Variants in KRT84 observed in about 807,000 individuals in gnomAD.
KRT84 encodes keratin, type II cuticular Hb4.
Under a neutral mutation model 49.0 loss-of-function variants are expected in KRT84, and 38 were observed. The observed-to-expected ratio is 0.78, with a 90% CI of 0.60 to 1.02. The LOEUF (loss-of-function observed/expected upper bound fraction) is 1.02. KRT84 is among the 50% of genes least tolerant of loss of function. The pLI, the probability that KRT84 is intolerant of heterozygous loss-of-function variation, is 0.00. For synonymous variants in KRT84, 334 were observed against 312.8 expected, an observed-to-expected ratio of 1.07 and a Z score of -0.72; for missense variants, 860 against 788.6, an observed-to-expected ratio of 1.09 and a Z score of -1.08.
chr12:52,378,668 C>T lies in KRT84; in HGVS notation c.1457-288G>A, dbSNP rs1939429746. Among the ~76,000 whole-genome samples, 3 of 152,210 alleles carry T rather than the reference C, an allele frequency of 2.0e-5. No individual in the cohort carries two copies. In the South Asian group the frequency reaches 6.2e-4, roughly 32 times the overall value. On this transcript the variant is annotated intron_variant, in intron 8 of 8. Transcript: ENST00000257951. ...TAGGTTGACTGTCATTTATATACGGCTAAAGTCAAGTTGGGTTGTGAGATG... is the reference window on the plus strand; with the variant it reads ...TAGGTTGACTGTCATTTATATACGGTTAAAGTCAAGTTGGGTTGTGAGATG...
Position 52,377,971 on chromosome 12 carries a change from G to A in KRT84, c.*63C>T. 1 of 1,289,412 alleles carries A rather than the reference G, an allele frequency of 7.8e-7. No individual in the cohort carries two copies. 79.9% of individuals were successfully genotyped at this position (1,289,412 alleles called of 1,614,324 possible). On this transcript the variant is annotated 3_prime_UTR_variant, in exon 9 of 9. Coordinates refer to ENST00000257951, the MANE Select transcript of KRT84 (RefSeq NM_033045.4). Reference sequence around the variant, plus strand: ...CAAGCCCAGAGCCCACGAACCCTGGGGGCAGAAGCAGGAGCCGTGGAGCTG... The same window carrying A: ...CAAGCCCAGAGCCCACGAACCCTGGAGGCAGAAGCAGGAGCCGTGGAGCTG...
rs374447110 is a variant in KRT84 at position 52,381,525 on chromosome 12, C to T, written c.913G>A (p.Glu305Lys). 8.1e-6 allele frequency: 13 copies of T among 1,613,634 alleles called. No homozygotes were observed. The African/African-American group carries it at 1.6e-4, about 20-fold the overall frequency. ...IDFLKTLYME[E>K]IQLLQSHISE... is the part of the protein sequence containing the mutation. ...ATGTGCGACTGCAGCAACTGGATTT[C>T]CTGTGTTGGAGGATTGGGGAGACAG... The change falls in exon 5 of 9, where the codon GAA becomes AAA. Residue 305 changes from glutamate to lysine, a missense_variant and splice_region_variant. Glu to Lys is a moderately conservative substitution (Grantham distance 56). Coordinates refer to ENST00000257951, the MANE Select transcript of KRT84 (RefSeq NM_033045.4).
intron 1 of KRT84, among the ~76,000 whole-genome samples, chr12:52,384,767 A>G (rs1170006372): frequency 6.6e-6 from 1 of 152,182 alleles, no homozygotes; most frequent in African/African-American, 2.4e-5. Context: ...GTTTGTCGAG[A>G]TGCCCTCGAG....
In KRT84 at chr12:52,382,464, A is replaced by G. The variant is rs749844233; in HGVS notation, c.885T>C (p.Ile295=). 7 of 1,613,944 alleles carry G rather than the reference A, an allele frequency of 4.3e-6. No individual in the cohort carries two copies. The African/African-American group carries it at 8.0e-5, about 18-fold the overall frequency. ...EANVDTLTQE[I]DFLKTLYMEE... is the part of the protein sequence containing the mutation. The stretch of plus-strand genomic sequence containing the variant: ...CCATGTAAAGCGTTTTTAGAAAGTC[A>G]ATTTCCTGAGTTAGGGTATCCACGT... The change falls in exon 4 of 9, where the codon ATT becomes ATC. Residue 295 remains isoleucine, a synonymous_variant. Coordinates refer to ENST00000257951, the MANE Select transcript of KRT84 (RefSeq NM_033045.4).
intron 4 of KRT84, among the ~76,000 whole-genome samples, chr12:52,382,059 A>G (rs1295717948): frequency 1.3e-5 from 2 of 152,214 alleles, no homozygotes; most frequent in African/African-American, 4.8e-5. Flanking sequence ...GACTGGACAG[A>G]TTGTTTATGA....
At chr12:52,383,482 A>ACCCC in intron 2 of KRT84, 108 bp downstream of exon 2, 1 of 841,702 alleles carries the variant, frequency 1.2e-6, no homozygotes, top group Non-Finnish European at 1.8e-6. Context: ...TGATGTGGTA[A>ACCCC]CCAGCATTCA....
chr12:52,377,829 C>A lies in KRT84; in HGVS notation c.*205G>T. 1 of 405,022 alleles carries A rather than the reference C, an allele frequency of 2.5e-6. No individual in the cohort carries two copies. The highest frequency in any genetic ancestry group is 4.3e-6 in the Non-Finnish European group (1 of 230,756). The allele number at this position is 405,022 out of a possible 1,614,324, so 25.1% of individuals were successfully genotyped here. ...CAGGGAGAAGCCAGCTTAGCTGGAA[C>A]TGCTAATGGAGCATCTACATGGCAG... On this transcript the variant is annotated 3_prime_UTR_variant, in exon 9 of 9. Transcript: ENST00000257951.
chr12:52,378,144 TG>T lies in KRT84; in HGVS notation c.1692del (p.Ser565AlafsTer80). ...TGGGTGGGCAGGGGGCAGGGGACGC[TG>T]GGGACACAGGCCTCGCTGATGAGCA... Reference protein sequence around the residue: ...GSMLISEACVPSVPCPLPTQG... With the variant: ...GSMLISEACVXSVPCPLPTQG... On this transcript the variant is annotated frameshift_variant, in exon 9 of 9. Transcript: ENST00000257951. LOFTEE classifies it high-confidence loss of function. The T allele has an allele frequency of 1.3e-6, 2 of 1,569,694 alleles. No homozygotes were observed. Among genetic ancestry groups the T allele is most frequent in the Admixed American group, 1.9e-5 (1 of 53,610 alleles).
At chr12:52,379,292 A>G (rs1302323804) in intron 8 of KRT84, among the ~76,000 whole-genome samples, 1 of 152,228 alleles carries the variant, frequency 6.6e-6, no homozygotes, top group Non-Finnish European at 1.5e-5. Flanking sequence ...GGATGCCAGT[A>G]TCCGCTTTTC....
At chr12:52,386,099 A>C (rs1287455998), upstream of KRT84, among the ~76,000 whole-genome samples, 1 of 152,220 alleles carries the variant, frequency 6.6e-6, no homozygotes, top group Non-Finnish European at 1.5e-5. Flanking sequence ...TCCAAGTAAG[A>C]AGTGATATGG....
chr12:52,381,979 G>T (rs59955690), intron 4 of KRT84, among the ~76,000 whole-genome samples: 10,572 of 152,258 alleles, frequency 0.069, 447 homozygotes, highest in Middle Eastern at 0.18. Flanking sequence ...TGCAAAGAGA[G>T]TTCCAGAGGA....
intron 1 of KRT84, 107 bp from the exon 2 acceptor site, chr12:52,383,905 T>C: frequency 1.2e-6 from 1 of 858,812 alleles, no homozygotes. Context: ...GTCGACAGGG[T>C]TCTCTCCTCT....
Position 52,385,116 on chromosome 12 carries a change from T to A in KRT84, c.470A>T (p.Asn157Ile). 2.5e-6 allele frequency: 4 copies of A among 1,600,480 alleles called. No individual in the cohort carries two copies. The highest frequency in any genetic ancestry group is 3.3e-4 in the Middle Eastern group (2 of 5,980). The change falls in exon 1 of 9, where the codon AAT (asparagine) becomes ATT (isoleucine). Residue 157 changes from asparagine to isoleucine, a missense_variant. Coordinates refer to ENST00000257951, the MANE Select transcript of KRT84 (RefSeq NM_033045.4). ...LTPLNLEIDPNAQRVKKDEKE... is the reference protein window; with the variant it reads ...LTPLNLEIDPIAQRVKKDEKE... The stretch of plus-strand genomic sequence containing the variant: ...CTCATCCTTCTTCACCCTCTGGGCA[T>A]TGGGGTCAATCTCCAGGTTGAGGGG...
chr12:52,378,279 C>G lies in KRT84; in HGVS notation c.1558G>C (p.Val520Leu), dbSNP rs201058386. The change falls in exon 9 of 9, where the codon GTC becomes CTC. Residue 520 changes from valine (V) to leucine (L), a missense_variant. By Grantham distance (32) the Val-to-Leu change is conservative (BLOSUM62 1). Coordinates refer to ENST00000257951, the MANE Select transcript of KRT84 (RefSeq NM_033045.4). ...GCCAGGACCCCACTGGTGGCACAGA[C>G]GCTGCTGCTACCTGAGAAGGTGACC... The part of the protein sequence containing the change: ...GGVTFSGSSS[V>L]CATSGVLASC... The G allele has an allele frequency of 6.5e-7, 1 of 1,548,818 alleles. No individual in the cohort carries two copies. Among genetic ancestry groups the G allele is most frequent in the South Asian group, 1.2e-5 (1 of 83,954 alleles).
rs770154336 is a variant in KRT84 at position 52,378,092 on chromosome 12, C to T, written c.1745G>A (p.Gly582Asp). The change falls in exon 9 of 9, where the codon GGC becomes GAC. Residue 582 changes from glycine to aspartate, a missense_variant. Transcript: ENST00000257951. ...CACAAAGCGGACGCTGGAGCTGCGG[C>T]CGCCGCTGCAGCTGCTGAAGCCCCC... The part of the protein sequence containing the change: ...TQGGFSSCSG[G>D]RSSSVRFVST... 2 of 1,502,678 alleles carry T rather than the reference C, an allele frequency of 1.3e-6. No homozygotes were observed. The highest frequency in any genetic ancestry group is 8.8e-7 in the Non-Finnish European group (1 of 1,131,932). 93.1% of individuals were successfully genotyped at this position (1,502,678 alleles called of 1,614,324 possible).
chr12:52,382,381 G>C, intron 4 of KRT84, 56 bp downstream of exon 4: 1 of 1,158,572 alleles, frequency 8.6e-7, no homozygotes, highest in Non-Finnish European at 1.3e-6. Context: ...AAGCATTCAG[G>C]GAGTCCAGGC....
chr12:52,379,742 G>T (rs1370529959), intron 8 of KRT84, 134 bp downstream of exon 8: 5 of 732,498 alleles, frequency 6.8e-6, no homozygotes, highest in Non-Finnish European at 1.2e-5. Context: ...TCCAGGGCTG[G>T]ATGGTCCCAG....
chr12:52,383,672 A>G lies in KRT84; in HGVS notation c.673T>C (p.Leu225=), dbSNP rs1371330374. The G allele has an allele frequency of 5.6e-6, 9 of 1,614,004 alleles. No homozygotes were observed. Among genetic ancestry groups the G allele is most frequent in the South Asian group, 1.1e-5 (1 of 91,080 alleles). ...ESYITNLRRQ[L]EVLVSDQARL... Reference sequence around the variant, plus strand: ...GCCTGATCACTGACCAGCACCTCCAACTGCCTCCGCAGGTTGGTGATGTAG... The same window carrying G: ...GCCTGATCACTGACCAGCACCTCCAGCTGCCTCCGCAGGTTGGTGATGTAG... Residue 225 remains leucine, a synonymous_variant, in exon 2 of 9, where the codon TTG becomes CTG. Transcript: ENST00000257951.
rs769425885 is a variant in KRT84, at chr12:52,381,378, C to G, written c.1060G>C (p.Ala354Pro). 1.2e-6 allele frequency: 2 copies of G among 1,614,100 alleles called. No homozygotes were observed. Among genetic ancestry groups the G allele is most frequent in the African/African-American group, 2.7e-5 (2 of 74,938 alleles). ...CTGCCCACCTTGGTCTGGTACCAGG[C>G]CTCAGCATCAGCCCGGCTGCGCCTG... is the stretch of plus-strand genomic sequence containing the variant. ...VARRSRADAE[A>P]WYQTKYEEMQ... is the part of the protein sequence containing the mutation. The change falls in exon 5 of 9, where the codon GCC (alanine) becomes CCC (proline). Residue 354 changes from alanine to proline, a missense_variant. Ala to Pro is a conservative substitution (Grantham distance 27). Transcript: ENST00000257951.
Sources: gnomAD v4.1 joint callset for allele counts (sites outside exome capture counted in the v4.1 genomes callset) on GRCh38, gnomAD v4.1.1 for gene constraint, MANE v1.5 for transcripts, NCBI Gene and HGNC (gene_info 2026-07-23, HGNC 2026-07-21) for gene names.